Variants in CFAP251 observed in about 807,000 individuals in gnomAD.
CFAP251 encodes the protein cilia and flagella associated protein 251, also known as cilia- and flagella-associated protein 251.
In CFAP251, 93 loss-of-function variants were observed where a neutral mutation model predicts 126.7. The ratio of observed to expected loss-of-function variants is 0.73; its 90% CI spans 0.62 to 0.87. The LOEUF is 0.87. Ranked by LOEUF, CFAP251 falls within the 40% of genes least tolerant of loss-of-function variation. CFAP251 has a pLI of 0.00. For missense variants in CFAP251, 1,287 were observed against 1,389.2 expected (o/e 0.93, Z 1.17); for synonymous variants, 503 against 506.9 (o/e 0.99, Z 0.10).
chr12:122,002,757 G>A (rs183558149), intron 21 of CFAP251, among the ~76,000 whole-genome samples: 23 of 152,150 alleles, frequency 1.5e-4, no homozygotes, highest in Admixed American at 1.3e-3. Context: ...CAATCTAAAC[G>A]GCTCTTCTAG....
intron 19 of CFAP251, among the ~76,000 whole-genome samples, chr12:121,986,988 C>T (rs542098493): frequency 1.3e-5 from 2 of 152,170 alleles, no homozygotes; most frequent in East Asian, 1.9e-4. Context: ...GCAAATCCCC[C>T]CAAAGCCCTG....
intron 8 of CFAP251, 66 bp downstream of exon 8, chr12:121,949,127 A>G (rs1592978465): frequency 4.8e-6 from 5 of 1,050,752 alleles, no homozygotes; most frequent in East Asian, 5.3e-5. Context: ...TTTGAGTACA[A>G]ATGTTTCAGT....
At chr12:121,953,972 A>G in intron 9 of CFAP251, 148 bp from the exon 10 acceptor site, 2 of 783,928 alleles carry the variant, frequency 2.6e-6, no homozygotes, top group South Asian at 1.9e-5. Context: ...GACCATGGCA[A>G]TTCATGGGAG....
At chr12:121,962,252 C>T (rs1324311986) in intron 15 of CFAP251, 90 bp downstream of exon 15, 2 of 1,215,648 alleles carry the variant, frequency 1.6e-6, no homozygotes, top group Non-Finnish European at 2.3e-6. Flanking sequence ...GACCTGCAGG[C>T]AGCTTGGCTA....
Position 121,921,414 on chromosome 12 carries a change from C to T in CFAP251, c.109C>T (p.Gln37Ter). The T allele has an allele frequency of 6.2e-7, 1 of 1,613,100 alleles. No homozygotes were observed. Among genetic ancestry groups the T allele is most frequent in the Non-Finnish European group, 8.5e-7 (1 of 1,179,892 alleles). The change falls in exon 2 of 22, where the codon CAA becomes TAA. Residue 37 changes from glutamine to a stop codon, truncating the protein, a stop_gained. Transcript: ENST00000288912. LOFTEE classifies it high-confidence loss of function. ...NPNYKEVEDP[Q>*]QESKDDTIAW... ...AAATTATAAAGAAGTAGAAGATCCA[C>T]AACAGGAATCAAAAGATGACACAAT...
chr12:121,975,123 G>A (rs2135799027), intron 17 of CFAP251, 121 bp from the exon 18 acceptor site: 2 of 730,010 alleles, frequency 2.7e-6, no homozygotes, highest in Non-Finnish European at 4.7e-6. Context: ...AGTGTGTAGA[G>A]ACCCTAACTG....
At position 121,998,432 on chromosome 12, in the gene CFAP251, AATATAT is replaced by A. The variant is rs71082926; in HGVS notation, c.3007-1233_3007-1228del. The A allele has an allele frequency of 5.8e-3, 493 of 84,796 alleles. 4 individuals are homozygous for A. The highest frequency in any genetic ancestry group is 7.6e-3 in the Non-Finnish European group (307 of 40,582). 5.3% of individuals were successfully genotyped at this position (84,796 alleles called of 1,614,324 possible). The stretch of plus-strand genomic sequence containing the variant: ...TACCAGTTCTAATAGTTTTTAGTGT[AATATAT>A]ATATATATATATATATATATATATA... On this transcript the variant is annotated intron_variant, in intron 19 of 21. Coordinates refer to ENST00000288912, the MANE Select transcript of CFAP251 (RefSeq NM_144668.6).
chr12:121,972,191 TG>T (rs1208633561), intron 17 of CFAP251: 1 of 158,244 alleles, frequency 6.3e-6, no homozygotes, highest in Non-Finnish European at 1.4e-5. Context: ...ACTTTGGAAC[TG>T]GGTAACAGGC....
chr12:121,929,123 C>G (rs1880572416), intron 3 of CFAP251, among the ~76,000 whole-genome samples: 1 of 151,924 alleles, frequency 6.6e-6, no homozygotes. Flanking sequence ...GAGACTGAGA[C>G]CATCCTGGCC....
chr12:121,928,399 G>A (rs1024021034), intron 3 of CFAP251, among the ~76,000 whole-genome samples: 7 of 151,826 alleles, frequency 4.6e-5, no homozygotes, highest in Admixed American at 1.3e-4. Context: ...AGGAGAGGAT[G>A]GGGAATTAAG....
chr12:121,960,817 TC>T lies in CFAP251; in HGVS notation c.2307+62del, dbSNP rs1484149122. 3 of 1,574,398 alleles carry T rather than the reference TC, an allele frequency of 1.9e-6. No homozygotes were observed. In the Admixed American group the frequency reaches 5.1e-5, roughly 27 times the overall value. On this transcript the variant is annotated intron_variant, in intron 14 of 21. Coordinates refer to ENST00000288912, the MANE Select transcript of CFAP251 (RefSeq NM_144668.6). ...AAGACTGTGTCTCACTCTTGTGACA[TC>T]CCTGGCATCTTGCATAGAGCCAGGC...
intron 3 of CFAP251, among the ~76,000 whole-genome samples, chr12:121,925,969 C>T (rs1459490299): frequency 1.3e-5 from 2 of 151,806 alleles, no homozygotes; most frequent in African/African-American, 2.4e-5. Context: ...CTCAGCCTCC[C>T]GAGTAGCTGG....
chr12:121,941,602 G>T (rs1881119235), intron 5 of CFAP251, among the ~76,000 whole-genome samples: 1 of 152,068 alleles, frequency 6.6e-6, no homozygotes, highest in African/African-American at 2.4e-5. Context: ...CCAAAGTGCT[G>T]GGATTACCAG....
At position 121,990,988 on chromosome 12, in the gene CFAP251, G is replaced by A. The variant is rs371318074; in HGVS notation, c.3007-8728G>A. 5.3e-5 allele frequency among the ~76,000 whole-genome samples: 8 copies of A among 152,316 alleles called. No homozygotes were observed. In the South Asian group the frequency reaches 1.7e-3, roughly 32 times the overall value. ...AAAACCAGAATGCAGAACTGTTCTAGTAATAATTGAGAGACTTGTATTTCA... is the reference window on the plus strand; with the variant it reads ...AAAACCAGAATGCAGAACTGTTCTAATAATAATTGAGAGACTTGTATTTCA... On this transcript the variant is annotated intron_variant, in intron 19 of 21. Transcript: ENST00000288912.
At chr12:121,999,516 A>C in intron 19 of CFAP251, 200 bp from the exon 20 acceptor site, 1 of 447,898 alleles carries the variant, frequency 2.2e-6, no homozygotes, top group Non-Finnish European at 4.1e-6. Context: ...TTGTATTTTT[A>C]GTAGAGACAG....
chr12:121,933,916 G>A (rs1038962470), intron 4 of CFAP251, among the ~76,000 whole-genome samples: 6 of 152,154 alleles, frequency 3.9e-5, no homozygotes, highest in Admixed American at 6.6e-5. Flanking sequence ...AGAGAGAAGA[G>A]GCCGGCAGCG....
intron 3 of CFAP251, among the ~76,000 whole-genome samples, chr12:121,931,533 G>A (rs1880688065): frequency 2.0e-5 from 3 of 152,062 alleles, no homozygotes; most frequent in Non-Finnish European, 4.4e-5. Context: ...GGTTGGTCTC[G>A]AACTCCCGAC....
rs754222362 is a variant in CFAP251 at position 121,942,948 on chromosome 12, C to T, written c.1164C>T (p.Leu388=). The T allele has an allele frequency of 2.1e-5, 34 of 1,614,144 alleles. No homozygotes were observed. The highest frequency in any genetic ancestry group is 3.3e-4 in the Middle Eastern group (2 of 6,062). ...TLAVETPACT[L]ELPTEYGVQN... ...CAGTGGAAACGCCAGCATGCACTCT[C>T]GAACTCCCCACAGAGTACGGTGTTC... Residue 388 remains leucine (L), a synonymous_variant, in exon 7 of 22, where the codon CTC becomes CTT. Coordinates refer to ENST00000288912, the MANE Select transcript of CFAP251 (RefSeq NM_144668.6).
chr12:121,926,776 T>G (rs1371322355), intron 3 of CFAP251, among the ~76,000 whole-genome samples: 1 of 152,044 alleles, frequency 6.6e-6, no homozygotes, highest in African/African-American at 2.4e-5. Flanking sequence ...GAAACCCCTC[T>G]CCACTAAAAA....
Sources: gnomAD v4.1 joint callset for allele counts (sites outside exome capture counted in the v4.1 genomes callset) on GRCh38, gnomAD v4.1.1 for gene constraint, MANE v1.5 for transcripts, NCBI Gene and HGNC (gene_info 2026-07-23, HGNC 2026-07-21) for gene names.